The following SAMM50 variants were observed in gnomAD, a reference collection of about 807,000 sequenced individuals.
SAMM50 encodes SAMM50 sorting and assembly machinery component, also known as sorting and assembly machinery component 50 homolog.
Under a neutral mutation model 66.9 loss-of-function variants are expected in SAMM50, and 47 were observed. The ratio of observed to expected loss-of-function variants is 0.70; its 90% confidence interval spans 0.56 to 0.90. SAMM50 has a LOEUF of 0.90. SAMM50 is among the 40% of genes least tolerant of loss of function. The pLI is 0.00. For missense variants in SAMM50, 535 were observed against 595.3 expected, an observed-to-expected ratio of 0.90 and a Z score of 1.05; for synonymous variants, 191 against 214.1, an observed-to-expected ratio of 0.89 and a Z score of 0.94.
chr22:43,992,403 G>A (rs1241392714), intron 14 of SAMM50, among the ~76,000 whole-genome samples: 4 of 152,234 alleles, frequency 2.6e-5, no homozygotes, highest in Non-Finnish European at 4.4e-5. Flanking sequence ...AGGCTGCTGC[G>A]GCTCCCTACT....
chr22:43,973,108 T>C lies in SAMM50; in HGVS notation c.560+107T>C. 2.1e-6 allele frequency: 3 copies of C among 1,423,412 alleles called. No homozygotes were observed. The South Asian group carries it at 3.8e-5, about 18-fold the overall frequency. The allele number at this position is 1,423,412 out of a possible 1,614,324, so 88.2% of individuals were successfully genotyped here. On this transcript the variant is annotated intron_variant, in intron 6 of 14. Transcript: ENST00000350028. ...ACAGAATCAGCTGCCACTTCTGCAG[T>C]GACCACATGCTGTAGATTTCCTCTT... is the stretch of plus-strand genomic sequence containing the variant.
intron 14 of SAMM50, among the ~76,000 whole-genome samples, chr22:43,991,557 C>T (rs556174202): frequency 3.3e-5 from 5 of 152,286 alleles, no homozygotes; most frequent in South Asian, 2.1e-4. Flanking sequence ...TATGAGCCAC[C>T]GCACCCAGCT....
chr22:43,964,573 G>A lies in SAMM50; in HGVS notation c.234+20G>A. On this transcript the variant is annotated intron_variant, in intron 3 of 14. Transcript: ENST00000350028. ...ATTGAGGTAGGTGTGGTCTCTACAT[G>A]GTGTGCTTTCCCAGTCTCTTCTGAA... 7.6e-7 allele frequency: 1 copy of A among 1,318,960 alleles called. No homozygotes were observed. The highest frequency in any genetic ancestry group is 1.1e-6 in the Non-Finnish European group (1 of 912,988). 81.7% of individuals were successfully genotyped at this position (1,318,960 alleles called of 1,614,324 possible). A position where few individuals can be genotyped will look rare whatever the true frequency, so the allele number is the denominator to read the frequency against.
At chr22:43,993,676 CGCTCAGTGTGAG>C (rs2146830627) in intron 14 of SAMM50, among the ~76,000 whole-genome samples, 1 of 152,292 alleles carries the variant, frequency 6.6e-6, no homozygotes, top group Admixed American at 6.5e-5. Context: ...AAGACATTTT[CGCTCAGTGTGAG>C]GCCTTGTTTG....
Position 43,989,202 on chromosome 22 carries a change from A to G in SAMM50, c.1167A>G (p.Glu389=). Residue 389 remains glutamate, a synonymous_variant, in exon 13 of 15, where the codon GAA becomes GAG. Coordinates refer to ENST00000350028, the MANE Select transcript of SAMM50 (RefSeq NM_015380.5). Reference sequence around the variant, plus strand: ...GGCCAGGCCAGGGTGGCTTTGGAGAACTTTTCCGAACACACTTCTTTCTCA... The same window carrying G: ...GGCCAGGCCAGGGTGGCTTTGGAGAGCTTTTCCGAACACACTTCTTTCTCA... ...PFRPGQGGFG[E]LFRTHFFLNA... 3 of 1,614,174 alleles carry G rather than the reference A, an allele frequency of 1.9e-6. No homozygotes were observed. The highest frequency in any genetic ancestry group is 1.3e-5 in the African/African-American group (1 of 75,038).
chr22:43,989,345 T>TA (rs2050310931), intron 13 of SAMM50, 88 bp downstream of exon 13: 6 of 1,409,160 alleles, frequency 4.3e-6, no homozygotes, highest in Non-Finnish European at 5.7e-6. Flanking sequence ...CTGTCTTTTT[T>TA]TTTTTTTTTT....
intron 1 of SAMM50, among the ~76,000 whole-genome samples, chr22:43,959,401 C>T (rs981333893): frequency 6.6e-6 from 1 of 152,054 alleles, no homozygotes; most frequent in African/African-American, 2.4e-5. Flanking sequence ...GTCCCATACC[C>T]GCTGCCTTGC....
chr22:43,956,846 A>C (rs150465833), intron 1 of SAMM50, among the ~76,000 whole-genome samples: 2 of 152,316 alleles, frequency 1.3e-5, no homozygotes, highest in East Asian at 3.9e-4. Context: ...CATCTAAAGC[A>C]ACTCTTAAGC....
intron 7 of SAMM50, among the ~76,000 whole-genome samples, chr22:43,974,381 G>A (rs2050220414): frequency 6.6e-6 from 1 of 152,220 alleles, no homozygotes; most frequent in Non-Finnish European, 1.5e-5. Context: ...GGACAGGAGC[G>A]CGGGGTCTCC....
intron 10 of SAMM50, among the ~76,000 whole-genome samples, chr22:43,980,895 A>G (rs2050261402): frequency 6.6e-6 from 1 of 152,202 alleles, no homozygotes; most frequent in Admixed American, 6.5e-5. Context: ...CTGCCCTGTA[A>G]GAGACAAGGC....
At chr22:43,970,454 G>A (rs550656819) in intron 4 of SAMM50, among the ~76,000 whole-genome samples, 1 of 152,316 alleles carries the variant, frequency 6.6e-6, no homozygotes, top group East Asian at 1.9e-4. Context: ...GAGGAGCACA[G>A]GAGATTGAGA....
At chr22:43,978,403 C>T (rs1603419558) in intron 10 of SAMM50, among the ~76,000 whole-genome samples, 2 of 142,820 alleles carry the variant, frequency 1.4e-5, no homozygotes, top group South Asian at 2.3e-4. Flanking sequence ...CCACTGCACT[C>T]CAGCCTGGGT....
chr22:43,980,707 T>A (rs1032188474), intron 10 of SAMM50, among the ~76,000 whole-genome samples: 1 of 152,198 alleles, frequency 6.6e-6, no homozygotes, highest in Non-Finnish European at 1.5e-5. Context: ...GAAAGCCATT[T>A]CTGAGCAGCT....
At chr22:43,958,241 A>G (rs1263713274) in intron 1 of SAMM50, among the ~76,000 whole-genome samples, 1 of 152,016 alleles carries the variant, frequency 6.6e-6, no homozygotes, top group African/African-American at 2.4e-5. Context: ...CTTTGGTGCC[A>G]TTTACATTTT....
In SAMM50 at chr22:43,989,152, C is replaced by A. The variant is rs1262917260; in HGVS notation, c.1117C>A (p.His373Asn). ...AGAAGCGTACTGGGCCGGCGGCCTGCACCTCTACACCCCATTACCTTTCCG... is the reference window on the plus strand; with the variant it reads ...AGAAGCGTACTGGGCCGGCGGCCTGAACCTCTACACCCCATTACCTTTCCG... ...GGEAYWAGGL[H>N]LYTPLPFRPG... Residue 373 changes from histidine to asparagine, a missense_variant, in exon 13 of 15, where the codon CAC becomes AAC. By Grantham distance (68) the His-to-Asn change is moderately conservative (BLOSUM62 1). Coordinates refer to ENST00000350028, the MANE Select transcript of SAMM50 (RefSeq NM_015380.5). The A allele has an allele frequency of 6.2e-7, 1 of 1,613,946 alleles. No homozygotes were observed. The highest frequency in any genetic ancestry group is 1.3e-5 in the African/African-American group (1 of 74,898).
chr22:43,982,712 TA>T (rs2050271005), intron 11 of SAMM50, among the ~76,000 whole-genome samples: 1 of 152,240 alleles, frequency 6.6e-6, no homozygotes. Context: ...CTCGACTTAC[TA>T]CAACCTCTAC....
intron 1 of SAMM50, among the ~76,000 whole-genome samples, chr22:43,958,594 T>A (rs1028567741): frequency 1.7e-4 from 26 of 149,078 alleles, no homozygotes; most frequent in African/African-American, 6.4e-4. Context: ...TTCTCCTGCC[T>A]CAGCCTCCCG....
chr22:43,992,739 G>T (rs1042102757), intron 14 of SAMM50, among the ~76,000 whole-genome samples: 8 of 152,256 alleles, frequency 5.3e-5, no homozygotes, highest in African/African-American at 1.9e-4. Flanking sequence ...GCACCGCCTG[G>T]CCTGGGGTTG....
chr22:43,976,118 C>G lies in SAMM50; in HGVS notation c.712C>G (p.Leu238Val), dbSNP rs916128511. 4 of 1,612,240 alleles carry G rather than the reference C, an allele frequency of 2.5e-6. No homozygotes were observed. In the Admixed American group the frequency reaches 6.7e-5, roughly 27 times the overall value. Residue 238 changes from leucine (L) to valine (V), a missense_variant, in exon 8 of 15, where the codon CTC (leucine) becomes GTC (valine). Physicochemically the swap from Leu to Val is conservative, Grantham distance 32. Transcript: ENST00000350028. ...WEGVWRELGC[L>V]SRTASFAVRK... Reference sequence around the variant, plus strand: ...AGGCGTATGGCGAGAACTGGGCTGCCTCTCAAGGACGGCGTCATTTGCTGT... The same window carrying G: ...AGGCGTATGGCGAGAACTGGGCTGCGTCTCAAGGACGGCGTCATTTGCTGT...
Sources: gnomAD v4.1 joint callset for allele counts (sites outside exome capture counted in the v4.1 genomes callset) on GRCh38, gnomAD v4.1.1 for gene constraint, MANE v1.5 for transcripts, NCBI Gene and HGNC (gene_info 2026-07-23, HGNC 2026-07-21) for gene names.